HSPA5: variants seen among roughly 807,000 people sequenced by gnomAD.
HSPA5 encodes endoplasmic reticulum chaperone BiP.
A neutral mutation model predicts 49.5 loss-of-function variants in HSPA5; 16 were observed. That is an observed-to-expected ratio of 0.32 (90% confidence interval 0.22 to 0.49). The LOEUF (loss-of-function observed/expected upper bound fraction) is 0.49. HSPA5 is among the 20% of genes least tolerant of loss of function. The probability of loss-of-function intolerance (pLI) is 0.99; values close to 1 mark genes in which losing one functional copy is unlikely to be tolerated. For missense variants in HSPA5, 376 were observed against 819.0 expected, an observed-to-expected ratio of 0.46 and a Z score of 6.60; for synonymous variants, 271 against 307.2, an observed-to-expected ratio of 0.88 and a Z score of 1.23.
In HSPA5 at chr9:125,236,690, G is replaced by A. The variant is rs1234166340; in HGVS notation, c.1867C>T (p.Leu623=). The part of the protein sequence containing the change: ...IEDFKAKKKE[L]EEIVQPIISK... ...ATAATTGGTTGAACAATTTCTTCCA[G>A]TTCCTTCTTCTTAGCTTTGAAGTCT... The change falls in exon 8 of 8, where the codon CTG becomes TTG. Residue 623 remains leucine, a synonymous_variant. Transcript: ENST00000324460. The A allele has an allele frequency of 1.9e-6, 3 of 1,613,772 alleles. No individual in the cohort carries two copies. The South Asian group carries it at 3.3e-5, about 18-fold the overall frequency.
In HSPA5 at chr9:125,239,031, C is replaced by T. The variant is rs982129586; in HGVS notation, c.906G>A (p.Gln302=). Reference sequence around the variant, plus strand: ...ACTCAATTTCAATTCTTGCTTGATGCTGAGAAGACAGGGCCCGTTTGGCCT... The same window carrying T: ...ACTCAATTTCAATTCTTGCTTGATGTTGAGAAGACAGGGCCCGTTTGGCCT... ...VEKAKRALSS[Q]HQARIEIESF... is the part of the protein sequence containing the mutation. Residue 302 remains glutamine, a synonymous_variant, in exon 5 of 8, where the codon CAG becomes CAA. Coordinates refer to ENST00000324460, the MANE Select transcript of HSPA5 (RefSeq NM_005347.5). The surrounding 1 kb of genome is among the most constrained non-coding windows in gnomAD (Gnocchi z 5.5). 2 of 1,614,176 alleles carry T rather than the reference C, an allele frequency of 1.2e-6. No individual in the cohort carries two copies. Among genetic ancestry groups the T allele is most frequent in the Admixed American group, 1.7e-5 (1 of 60,004 alleles).
chr9:125,239,420 C>T lies in HSPA5; in HGVS notation c.605+1G>A. Reference sequence around the variant, plus strand: ...GCCGTATCCCTGAATTTCATACTTACGGCTCGTTGATGATCCTCATAACAT... The same window carrying T: ...GCCGTATCCCTGAATTTCATACTTATGGCTCGTTGATGATCCTCATAACAT... On this transcript the variant is annotated splice_donor_variant, in intron 4 of 7. Coordinates refer to ENST00000324460, the MANE Select transcript of HSPA5 (RefSeq NM_005347.5). LOFTEE classifies it high-confidence loss of function. This position sits in a 1 kb window ranked among gnomAD's most constrained non-coding sequence, Gnocchi z 5.5. The T allele has an allele frequency of 6.2e-7, 1 of 1,613,994 alleles. No homozygotes were observed. Among genetic ancestry groups the T allele is most frequent in the Non-Finnish European group, 8.5e-7 (1 of 1,179,870 alleles).
Position 125,240,996 on chromosome 9 carries a change from C to A in HSPA5, c.122+9G>T, listed in dbSNP as rs774567751. ...CGCCCCGTCCCCCTGCATCCGCAAC[C>A]CCACTTACCAGGAGTAGGTGGTCCC... On this transcript the variant is annotated intron_variant, in intron 1 of 7. Transcript: ENST00000324460. This position sits in a 1 kb window ranked among gnomAD's most constrained non-coding sequence, Gnocchi z 4.4. 16 of 1,612,368 alleles carry A rather than the reference C, an allele frequency of 9.9e-6. No homozygotes were observed. Among genetic ancestry groups the A allele is most frequent in the Non-Finnish European group, 1.4e-5 (16 of 1,179,092 alleles).
At position 125,237,040 on chromosome 9, in the gene HSPA5, T is replaced by G; in HGVS notation, c.1517A>C (p.Asn506Thr). Residue 506 changes from asparagine to threonine, a missense_variant, in exon 8 of 8, where the codon AAT (asparagine) becomes ACT (threonine). By Grantham distance (65) the Asn-to-Thr change is moderately conservative. Around this residue, in one of 8 missense-constraint regions of HSPA5, gnomAD observed 71 missense variants for 169.9 expected, o/e 0.42. Transcript: ENST00000324460. Reference sequence around the variant, plus strand: ...TTCAGCTGTCACTCGAAGAATACCATTCACATCTATCTCAAAGGTGACTTC... The same window carrying G: ...TTCAGCTGTCACTCGAAGAATACCAGTCACATCTATCTCAAAGGTGACTTC... The part of the protein sequence containing the change: ...QIEVTFEIDV[N>T]GILRVTAEDK... 6.2e-7 allele frequency: 1 copy of G among 1,613,808 alleles called. No homozygotes were observed. Among genetic ancestry groups the G allele is most frequent in the Non-Finnish European group, 8.5e-7 (1 of 1,179,730 alleles).
intron 7 of HSPA5, 26 bp downstream of exon 7, chr9:125,238,115 T>G: frequency 6.3e-7 from 1 of 1,586,336 alleles, no homozygotes; most frequent in Non-Finnish European, 8.6e-7. Flanking sequence ...AAAAAAGCCA[T>G]GATATTAACA....
In HSPA5 at chr9:125,238,573, C is replaced by A; in HGVS notation, c.1234+17G>T. 8 of 1,576,766 alleles carry A rather than the reference C, an allele frequency of 5.1e-6. No homozygotes were observed. The highest frequency in any genetic ancestry group is 7.0e-6 in the Non-Finnish European group (8 of 1,147,206). The stretch of plus-strand genomic sequence containing the variant: ...AGCTACTGAATCACTAAGAAAGATG[C>A]TGCGATGATGACCTACCTGTATCTT... On this transcript the variant is annotated intron_variant, in intron 6 of 7. Coordinates refer to ENST00000324460, the MANE Select transcript of HSPA5 (RefSeq NM_005347.5).
intron 6 of HSPA5, 129 bp from the exon 7 acceptor site, chr9:125,238,437 G>C: frequency 2.0e-6 from 2 of 983,254 alleles, no homozygotes; most frequent in Non-Finnish European, 3.1e-6. Flanking sequence ...AGTTGCTAAT[G>C]ATCTTGAGAC....
Position 125,239,042 on chromosome 9 carries a change from G to T in HSPA5, c.895C>A (p.Leu299Met). 6.2e-7 allele frequency: 1 copy of T among 1,614,140 alleles called. No individual in the cohort carries two copies. Among genetic ancestry groups the T allele is most frequent in the Non-Finnish European group, 8.5e-7 (1 of 1,180,020 alleles). ...RREVEKAKRA[L>M]SSQHQARIEI... is the part of the protein sequence containing the mutation. ...ATTCTTGCTTGATGCTGAGAAGACA[G>T]GGCCCGTTTGGCCTTTTCTACCTCG... The change falls in exon 5 of 8, where the codon CTG (leucine) becomes ATG (methionine). Residue 299 changes from leucine to methionine, a missense_variant. Transcript: ENST00000324460. This position sits in a 1 kb window ranked among gnomAD's most constrained non-coding sequence, Gnocchi z 5.5.
Position 125,239,660 on chromosome 9 carries a change from C to G in HSPA5, c.493-127G>C, listed in dbSNP as rs34874380. On this transcript the variant is annotated intron_variant, in intron 3 of 7. Coordinates refer to ENST00000324460, the MANE Select transcript of HSPA5 (RefSeq NM_005347.5). The surrounding 1 kb of genome is among the most constrained non-coding windows in gnomAD (Gnocchi z 5.5). ...TTGGGAGGCTGAGGCAGGAGGATCA[C>G]CTGAGGGCAGGATTTCAAGACCAGC... 2 of 693,418 alleles carry G rather than the reference C, an allele frequency of 2.9e-6. No individual in the cohort carries two copies. The highest frequency in any genetic ancestry group is 5.0e-6 in the Non-Finnish European group (2 of 400,892). 43.0% of individuals were successfully genotyped at this position (693,418 alleles called of 1,614,324 possible). A position where few individuals can be genotyped will look rare whatever the true frequency, so the allele number is the denominator to read the frequency against.
rs368193721 is a variant in HSPA5 at position 125,236,713 on chromosome 9, T to A, written c.1844A>T (p.Asp615Val). ...CAGTTCCTTCTTCTTAGCTTTGAAG[T>A]CTTCAATGTCAGCATCTTGGTGGCT... Reference protein sequence around the residue: ...LESHQDADIEDFKAKKKELEE... With the variant: ...LESHQDADIEVFKAKKKELEE... The change falls in exon 8 of 8, where the codon GAC becomes GTC. Residue 615 changes from aspartate to valine, a missense_variant. By Grantham distance (152) the Asp-to-Val change is radical. This residue lies in a region of HSPA5 where 72 missense variants were observed against 87.8 expected (regional missense o/e 0.82). Transcript: ENST00000324460. 47 of 1,613,766 alleles carry A rather than the reference T, an allele frequency of 2.9e-5. No homozygotes were observed. Among genetic ancestry groups the A allele is most frequent in the Non-Finnish European group, 8.5e-6 (10 of 1,179,778 alleles).
At chr9:125,238,885 C>G in intron 5 of HSPA5, 56 bp downstream of exon 5, 1 of 1,606,518 alleles carries the variant, frequency 6.2e-7, no homozygotes, top group Non-Finnish European at 8.5e-7. Context: ...GATGCAATGT[C>G]CTGAATTCAG....
At position 125,240,675 on chromosome 9, in the gene HSPA5, C is replaced by A. The variant is rs1440374521; in HGVS notation, c.354+1G>T. The stretch of plus-strand genomic sequence containing the variant: ...ACTGGATGAGAAAAACCCGGTCGAA[C>A]CTTGAACGGCAAGAACTTGATGTCC... On this transcript the variant is annotated splice_donor_variant, in intron 2 of 7. Coordinates refer to ENST00000324460, the MANE Select transcript of HSPA5 (RefSeq NM_005347.5). LOFTEE classifies it high-confidence loss of function. This position sits in a 1 kb window ranked among gnomAD's most constrained non-coding sequence, Gnocchi z 4.4. 1.2e-6 allele frequency: 2 copies of A among 1,609,930 alleles called. No individual in the cohort carries two copies. Among genetic ancestry groups the A allele is most frequent in the Non-Finnish European group, 1.7e-6 (2 of 1,176,422 alleles).
rs1454660068 is a variant in HSPA5, at chr9:125,239,778, C to G, written c.493-245G>C. The stretch of plus-strand genomic sequence containing the variant: ...GGTGGTGTGCCTGTAGTTCCAGTTA[C>G]TTGGGAGGCTGAGGCAGGAGAGCTG... On this transcript the variant is annotated intron_variant, in intron 3 of 7. Coordinates refer to ENST00000324460, the MANE Select transcript of HSPA5 (RefSeq NM_005347.5). This position sits in a 1 kb window ranked among gnomAD's most constrained non-coding sequence, Gnocchi z 5.5. Among the ~76,000 whole-genome samples, 1 of 150,280 alleles carries G rather than the reference C, an allele frequency of 6.7e-6. No individual in the cohort carries two copies. The highest frequency in any genetic ancestry group is 1.5e-5 in the Non-Finnish European group (1 of 67,694).
At chr9:125,238,101 C>CAA in intron 7 of HSPA5, 40 bp downstream of exon 7, 3 of 1,507,396 alleles carry the variant, frequency 2.0e-6, no homozygotes, top group African/African-American at 2.8e-5. Flanking sequence ...GACTTCATCT[C>CAA]AAAAAAAAAG....
chr9:125,241,130 G>GCC lies in HSPA5; in HGVS notation c.-6_-5dup. The GCC allele has an allele frequency of 6.2e-7, 1 of 1,609,958 alleles. No individual in the cohort carries two copies. The highest frequency in any genetic ancestry group is 8.5e-7 in the Non-Finnish European group (1 of 1,178,614). On this transcript the variant is annotated 5_prime_UTR_variant, in exon 1 of 8. Transcript: ENST00000324460. ...CGGCCACCAGGGAGAGCTTCATCTT[G>GCC]CCAGCCAGTTGGGCAGCAGCAGGCA...
At chr9:125,237,482 G>A (rs971051338) in intron 7 of HSPA5, among the ~76,000 whole-genome samples, 1 of 151,990 alleles carries the variant, frequency 6.6e-6, no homozygotes, top group Non-Finnish European at 1.5e-5. Flanking sequence ...TTGGGAGGCC[G>A]AGGTCGGTGG....
At chr9:125,238,561 C>T in intron 6 of HSPA5, 29 bp downstream of exon 6, 1 of 1,548,144 alleles carries the variant, frequency 6.5e-7, no homozygotes, top group Non-Finnish European at 8.9e-7. Context: ...TACTGAATCA[C>T]TAAGAAAGAT....
At position 125,235,208 on chromosome 9, in the gene HSPA5, TTC is replaced by T. The variant is rs1354653066; in HGVS notation, c.*1382_*1383del. 2.0e-5 allele frequency: 3 copies of T among 151,516 alleles called. No homozygotes were observed. Among genetic ancestry groups the T allele is most frequent in the Non-Finnish European group, 4.4e-5 (3 of 68,114 alleles). 9.4% of individuals were successfully genotyped at this position (151,516 alleles called of 1,614,324 possible). ...ATACCTATCCTTGGGCAGTATTGGA[TTC>T]TTTTTTTTTTTTTTGAGGTGGAGTC... On this transcript the variant is annotated 3_prime_UTR_variant, in exon 8 of 8. Coordinates refer to ENST00000324460, the MANE Select transcript of HSPA5 (RefSeq NM_005347.5).
chr9:125,238,027 G>A lies in HSPA5; in HGVS notation c.1402+114C>T, dbSNP rs551639540. On this transcript the variant is annotated intron_variant, in intron 7 of 7. Transcript: ENST00000324460. ...TGAGGCAGGAGAATCACTTGAACCCGGGAGACAGAATTTGCAGTGAGCCGA... is the reference window on the plus strand; with the variant it reads ...TGAGGCAGGAGAATCACTTGAACCCAGGAGACAGAATTTGCAGTGAGCCGA... 8.9e-5 allele frequency: 69 copies of A among 774,598 alleles called. No homozygotes were observed. The Middle Eastern group carries it at 1.2e-3, about 13-fold the overall frequency. 48.0% of individuals were successfully genotyped at this position (774,598 alleles called of 1,614,324 possible).
Sources: gnomAD v4.1 joint callset for allele counts (sites outside exome capture counted in the v4.1 genomes callset) on GRCh38, gnomAD v4.1.1 for gene constraint, gnomAD v4.1.1 regional missense constraint, Gnocchi (gnomAD v3.1) non-coding constraint, MANE v1.5 for transcripts, NCBI Gene and HGNC (gene_info 2026-07-23, HGNC 2026-07-21) for gene names.